IQGAP1: variants seen among roughly 807,000 people sequenced by gnomAD.
IQGAP1 encodes the protein ras GTPase-activating-like protein IQGAP1.
Under a neutral mutation model 215.6 loss-of-function variants are expected in IQGAP1, and 66 were observed. The observed-to-expected ratio is 0.31, with a 90% confidence interval of 0.25 to 0.38. The LOEUF is 0.38. IQGAP1 is among the 10% of genes least tolerant of loss of function. The pLI is 1.00. For missense variants in IQGAP1, 1,712 were observed against 1,997.1 expected (o/e 0.86, Z 2.72); for synonymous variants, 772 against 728.7 (o/e 1.06, Z -0.96).
intron 9 of IQGAP1, among the ~76,000 whole-genome samples, chr15:90,444,243 C>CTG (rs34494521): frequency 0.087 from 10,983 of 126,760 alleles, 537 homozygotes; most frequent in South Asian, 0.15. Flanking sequence ...TCCTTCAAAA[C>CTG]TGTGTGTGTG....
chr15:90,421,011 G>A (rs913959009), intron 2 of IQGAP1, among the ~76,000 whole-genome samples: 4 of 152,012 alleles, frequency 2.6e-5, no homozygotes, highest in Non-Finnish European at 5.9e-5. Context: ...AAAACTAGCC[G>A]GGTGTGCTGA....
In IQGAP1 at chr15:90,467,544, T is replaced by C. The variant is rs1505936; in HGVS notation, c.2130T>C (p.Pro710=). ...CCCAGGAAGGAGGATGGGATGAACCTCCAAATTTTGTGCAAAATTCTATGC... is the reference window on the plus strand; with the variant it reads ...CCCAGGAAGGAGGATGGGATGAACCCCCAAATTTTGTGCAAAATTCTATGC... ...LETQEGGWDE[P]PNFVQNSMQL... Residue 710 remains proline, a synonymous_variant, in exon 18 of 38, where the codon CCT becomes CCC. Coordinates refer to ENST00000268182, the MANE Select transcript of IQGAP1 (RefSeq NM_003870.4). 550,559 of 1,610,636 alleles carry C rather than the reference T, an allele frequency of 0.34. 99,521 individuals carry two copies. The highest frequency in any genetic ancestry group is 0.69 in the African/African-American group (51,360 of 74,540).
intron 2 of IQGAP1, among the ~76,000 whole-genome samples, chr15:90,419,933 T>G (rs1264063333): frequency 6.6e-6 from 1 of 152,214 alleles, no homozygotes; most frequent in Non-Finnish European, 1.5e-5. Flanking sequence ...TGTCTAACAC[T>G]GCTAATATAA....
At chr15:90,414,817 GGACGTCCCGTT>G (rs1965021258) in intron 2 of IQGAP1, among the ~76,000 whole-genome samples, 1 of 152,080 alleles carries the variant, frequency 6.6e-6, no homozygotes, top group Non-Finnish European at 1.5e-5. Flanking sequence ...GCCACTGTCT[GGACGTCCCGTT>G]GACATTTCAA....
intron 9 of IQGAP1, among the ~76,000 whole-genome samples, chr15:90,444,455 A>G (rs1965499162): frequency 6.6e-6 from 1 of 151,892 alleles, no homozygotes; most frequent in Admixed American, 6.6e-5. Flanking sequence ...CTGATTTTTA[A>G]AATTTTTTTG....
At chr15:90,467,416 G>A (rs367605934) in intron 17 of IQGAP1, 34 bp from the exon 18 acceptor site, 63 of 1,594,498 alleles carry the variant, frequency 4.0e-5, no homozygotes, top group Admixed American at 7.1e-5. Flanking sequence ...GTGTGGCTCT[G>A]GATGTCTTCT....
chr15:90,487,372 G>A, intron 32 of IQGAP1, 123 bp from the exon 33 acceptor site: 1 of 731,792 alleles, frequency 1.4e-6, no homozygotes, highest in Non-Finnish European at 2.4e-6. Context: ...CTGTGTACTG[G>A]CAGCTGCCGC....
intron 9 of IQGAP1, among the ~76,000 whole-genome samples, chr15:90,445,079 A>C (rs1596269779): frequency 6.6e-6 from 1 of 152,040 alleles, no homozygotes; most frequent in Non-Finnish European, 1.5e-5. Flanking sequence ...CTGTGTTCGC[A>C]CCACTGCACT....
At chr15:90,422,675 TATATA>T (rs1965163387) in intron 2 of IQGAP1, among the ~76,000 whole-genome samples, 8 of 128,688 alleles carry the variant, frequency 6.2e-5, no homozygotes, top group East Asian at 4.6e-4. Flanking sequence ...TATATATATA[TATATA>T]ATTTTTGAGA....
At chr15:90,424,975 T>C (rs957169279) in intron 2 of IQGAP1, among the ~76,000 whole-genome samples, 2 of 152,202 alleles carry the variant, frequency 1.3e-5, no homozygotes, top group Non-Finnish European at 2.9e-5. Flanking sequence ...TCTATAGCTT[T>C]CCTTCGATAT....
At chr15:90,439,482 T>A in intron 6 of IQGAP1, 83 bp downstream of exon 6, 1 of 1,078,978 alleles carries the variant, frequency 9.3e-7, no homozygotes, top group Non-Finnish European at 1.4e-6. Flanking sequence ...TTTGAAGACC[T>A]AGGGCTTTAA....
chr15:90,420,188 C>G (rs1402876335), intron 2 of IQGAP1, among the ~76,000 whole-genome samples: 1 of 152,122 alleles, frequency 6.6e-6, no homozygotes, highest in East Asian at 1.9e-4. Context: ...AAGCACTGTG[C>G]TAGCTCTATT....
At chr15:90,445,721 C>T (rs780665108) in intron 9 of IQGAP1, among the ~76,000 whole-genome samples, 1 of 152,164 alleles carries the variant, frequency 6.6e-6, no homozygotes, top group Admixed American at 6.6e-5. Flanking sequence ...TAATTGTTCT[C>T]ATTGTTCATT....
intron 7 of IQGAP1, 87 bp from the exon 8 acceptor site, chr15:90,441,419 C>T: frequency 8.8e-7 from 1 of 1,134,674 alleles, no homozygotes. Context: ...ATGGGGGGTG[C>T]AATGTTGCTT....
intron 34 of IQGAP1, 128 bp from the exon 35 acceptor site, chr15:90,492,417 T>G (rs1966217740): frequency 1.7e-6 from 1 of 593,416 alleles, no homozygotes; most frequent in Non-Finnish European, 2.6e-6. Flanking sequence ...CAACAGAGTG[T>G]CTAAAAAAAA....
At chr15:90,392,693 G>GA (rs929143741) in intron 2 of IQGAP1, among the ~76,000 whole-genome samples, 9 of 151,044 alleles carry the variant, frequency 6.0e-5, no homozygotes, top group Non-Finnish European at 1.2e-4. Context: ...TGAAGAAACT[G>GA]AAGCCTGAGT....
At chr15:90,460,386 C>T (rs1965744808) in intron 15 of IQGAP1, among the ~76,000 whole-genome samples, 1 of 151,750 alleles carries the variant, frequency 6.6e-6, no homozygotes, top group Non-Finnish European at 1.5e-5. Context: ...CCAGCTTTTC[C>T]TTATAAGGTT....
chr15:90,496,399 C>T (rs1205621872), intron 36 of IQGAP1, among the ~76,000 whole-genome samples: 1 of 144,438 alleles, frequency 6.9e-6, no homozygotes, highest in Non-Finnish European at 1.5e-5. Context: ...GTACTCAGCT[C>T]ACTACAACCT....
intron 3 of IQGAP1, among the ~76,000 whole-genome samples, chr15:90,427,827 A>G (rs1204361024): frequency 1.3e-5 from 2 of 152,188 alleles, no homozygotes; most frequent in Admixed American, 6.5e-5. Flanking sequence ...AATGATGACT[A>G]TGAAAGATAG....
Sources: gnomAD v4.1 joint callset for allele counts (sites outside exome capture counted in the v4.1 genomes callset) on GRCh38, gnomAD v4.1.1 for gene constraint, MANE v1.5 for transcripts, NCBI Gene and HGNC (gene_info 2026-07-23, HGNC 2026-07-21) for gene names.